Variants in FYB1 observed in about 807,000 individuals in gnomAD.
FYB1 encodes the protein FYN binding protein 1, also known as FYN-binding protein 1.
Under a neutral mutation model 94.1 loss-of-function variants are expected in FYB1, and 41 were observed. The observed-to-expected ratio is 0.44, with a 90% CI of 0.34 to 0.57. FYB1 has a LOEUF of 0.57. Ranked by LOEUF, FYB1 falls within the 20% of genes least tolerant of loss-of-function variation. The pLI is 0.02. For synonymous variants in FYB1, 367 were observed against 353.2 expected (o/e 1.04, Z -0.44); for missense variants, 1,050 against 976.8 (o/e 1.07, Z -1.00).
rs772195147 is a variant in FYB1, at chr5:39,202,663, T to C, written c.298A>G (p.Thr100Ala). 23 of 1,613,636 alleles carry C rather than the reference T, an allele frequency of 1.4e-5. No individual in the cohort carries two copies. The highest frequency in any genetic ancestry group is 1.9e-5 in the Non-Finnish European group (23 of 1,179,840). ...QRFGTPASLT[T>A]RDPEAKVGFL... is the part of the protein sequence containing the mutation. ...CCCACTTTCGCCTCGGGGTCTCTGG[T>C]GGTCAAGCTGGCTGGTGTTCCGAAT... The change falls in exon 2 of 19, where the codon ACC (threonine) becomes GCC (alanine). Residue 100 changes from threonine to alanine, a missense_variant. Transcript: ENST00000512982.
At position 39,202,284 on chromosome 5, in the gene FYB1, G is replaced by T. The variant is rs201189429; in HGVS notation, c.677C>A (p.Pro226Gln). Residue 226 changes from proline to glutamine, a missense_variant, in exon 2 of 19, where the codon CCA becomes CAA. Transcript: ENST00000512982. ...MKNVSSSKGS[P>Q]APLGVRSKSG... ...TTTGGACCTGACTCCCAGGGGAGCTGGGGACCCTTTTGATGAAGACACATT... is the reference window on the plus strand; with the variant it reads ...TTTGGACCTGACTCCCAGGGGAGCTTGGGACCCTTTTGATGAAGACACATT... The T allele has an allele frequency of 3.1e-6, 5 of 1,613,834 alleles. No homozygotes were observed. The Admixed American group carries it at 8.3e-5, about 27-fold the overall frequency.
At chr5:39,121,124 G>A (rs1012535722) in intron 14 of FYB1, among the ~76,000 whole-genome samples, 4 of 147,472 alleles carry the variant, frequency 2.7e-5, no homozygotes, top group Non-Finnish European at 5.9e-5. Flanking sequence ...ATAAGGCCAG[G>A]TGTGACTCTT....
chr5:39,179,994 C>G (rs1288013314), intron 2 of FYB1, among the ~76,000 whole-genome samples: 3 of 152,134 alleles, frequency 2.0e-5, no homozygotes, highest in Non-Finnish European at 4.4e-5. Context: ...ACCCCATATT[C>G]TCCTTACCTT....
At chr5:39,170,188 C>A in intron 2 of FYB1, 1 of 801,506 alleles carries the variant, frequency 1.2e-6, no homozygotes, top group Admixed American at 1.9e-5. Flanking sequence ...ATTTGAACTT[C>A]TGTGAAGTTC....
intron 2 of FYB1, among the ~76,000 whole-genome samples, chr5:39,166,526 A>G (rs143511314): frequency 2.6e-5 from 4 of 152,308 alleles, no homozygotes; most frequent in South Asian, 2.1e-4. Context: ...ACAATAGCAA[A>G]GTCATAGAAT....
chr5:39,165,781 C>T (rs1254341037), intron 2 of FYB1, among the ~76,000 whole-genome samples: 1 of 152,070 alleles, frequency 6.6e-6, no homozygotes, highest in Non-Finnish European at 1.5e-5. Flanking sequence ...CAACTCACAA[C>T]CCCCAAAATA....
chr5:39,226,053 C>T (rs905971495), intron 1 of FYB1, among the ~76,000 whole-genome samples: 4 of 152,136 alleles, frequency 2.6e-5, no homozygotes, highest in Non-Finnish European at 4.4e-5. Context: ...GCTCTCCTGG[C>T]TAGGTAACCA....
rs138218676 is a variant in FYB1, at chr5:39,120,253, T to C, written c.2139-619A>G. Among the ~76,000 whole-genome samples, 315 of 151,056 alleles carry C rather than the reference T, an allele frequency of 2.1e-3. 1 individual carries two copies. The highest frequency in any genetic ancestry group is 3.9e-3 in the Non-Finnish European group (265 of 67,642). On this transcript the variant is annotated intron_variant, in intron 14 of 18. Coordinates refer to ENST00000512982, the MANE Select transcript of FYB1 (RefSeq NM_001465.6). ...GTGTGTGTGTGTGTGTGTGTGTGTATGAAAGAGAGACAGAGACAGAGAGGA... is the reference window on the plus strand; with the variant it reads ...GTGTGTGTGTGTGTGTGTGTGTGTACGAAAGAGAGACAGAGACAGAGAGGA...
chr5:39,119,202 A>C (rs1739858518), intron 15 of FYB1, among the ~76,000 whole-genome samples, 166 bp from the exon 16 acceptor site: 1 of 152,282 alleles, frequency 6.6e-6, no homozygotes, highest in East Asian at 1.9e-4. Flanking sequence ...AACATCATTC[A>C]TAACCTCACC....
chr5:39,266,370 C>T (rs1041656171), intron 1 of FYB1, among the ~76,000 whole-genome samples: 1 of 152,106 alleles, frequency 6.6e-6, no homozygotes, highest in African/African-American at 2.4e-5. Flanking sequence ...GAAGGTTGAG[C>T]TGGAACCCAG....
At chr5:39,266,005 G>T (rs1160571012) in intron 1 of FYB1, among the ~76,000 whole-genome samples, 6 of 148,910 alleles carry the variant, frequency 4.0e-5, no homozygotes. Context: ...CTGACCTAAG[G>T]TTTATGCATA....
At chr5:39,260,382 A>G (rs553126563) in intron 1 of FYB1, among the ~76,000 whole-genome samples, 47 of 152,282 alleles carry the variant, frequency 3.1e-4, no homozygotes, top group Non-Finnish European at 5.6e-4. Context: ...TAGCTGTGAC[A>G]GATGTGAGAG....
chr5:39,264,003 C>T (rs1752326583), intron 1 of FYB1, among the ~76,000 whole-genome samples: 1 of 152,132 alleles, frequency 6.6e-6, no homozygotes, highest in African/African-American at 2.4e-5. Context: ...ATCCTATCCT[C>T]CAAGATGATG....
intron 2 of FYB1, chr5:39,169,566 C>A: frequency 1.9e-6 from 1 of 513,210 alleles, no homozygotes. Flanking sequence ...CAAGGAGGGC[C>A]AGATGCAGTG....
intron 1 of FYB1, among the ~76,000 whole-genome samples, chr5:39,273,050 C>G (rs1282128683): frequency 6.6e-6 from 1 of 152,138 alleles, no homozygotes; most frequent in Admixed American, 6.5e-5. Flanking sequence ...GGCCAGCCAC[C>G]CCGTCCGGGA....
intron 1 of FYB1, among the ~76,000 whole-genome samples, chr5:39,215,469 T>C (rs73072506): frequency 0.024 from 3,579 of 152,270 alleles, 149 homozygotes; most frequent in African/African-American, 0.082. Flanking sequence ...GGAAGTTTTT[T>C]TAAAGCAGCA....
intron 1 of FYB1, among the ~76,000 whole-genome samples, chr5:39,205,923 T>C (rs1397620209): frequency 1.3e-5 from 2 of 152,190 alleles, no homozygotes; most frequent in Non-Finnish European, 2.9e-5. Context: ...CAAAGGCATG[T>C]AAAATTCTTA....
intron 6 of FYB1, chr5:39,138,290 T>G (rs1741840986): frequency 5.6e-6 from 1 of 179,878 alleles, no homozygotes; most frequent in African/African-American, 2.4e-5. Flanking sequence ...TGATAAATTA[T>G]TTTTCATAGC....
intron 12 of FYB1, among the ~76,000 whole-genome samples, chr5:39,124,630 G>C (rs1740452261): frequency 6.6e-6 from 1 of 152,018 alleles, no homozygotes; most frequent in Non-Finnish European, 1.5e-5. Flanking sequence ...TCAGTATTTT[G>C]GAGGCATCGT....
Sources: allele counts gnomAD v4.1 joint callset (sites outside exome capture counted in the v4.1 genomes callset), GRCh38; gene constraint gnomAD v4.1.1; transcripts MANE v1.5; gene names NCBI Gene and HGNC (gene_info 2026-07-23, HGNC 2026-07-21).